The following C18orf32 variants were observed in gnomAD, a reference collection of about 807,000 sequenced individuals.
The protein encoded by C18orf32 is UPF0729 protein C18orf32.
A neutral mutation model predicts 7.4 loss-of-function variants in C18orf32; 5 were observed. That is an observed-to-expected ratio of 0.68 (90% CI 0.35 to 1.42). The LOEUF (loss-of-function observed/expected upper bound fraction) is 1.42, where lower values mean the gene tolerates loss of function less well. C18orf32 is among the 40% of genes most tolerant of loss of function. The pLI, the probability that C18orf32 is intolerant of heterozygous loss-of-function variation, is 0.04. For missense variants in C18orf32, 88 were observed against 92.4 expected (o/e 0.95, Z 0.19); for synonymous variants, 30 against 29.3 (o/e 1.02, Z -0.08).
intron 1 of C18orf32, chr18:49,485,982 G>A (rs1475956227): frequency 6.6e-6 from 1 of 151,560 alleles, no homozygotes; most frequent in African/African-American, 2.4e-5. Context: ...GGGGAGCTGA[G>A]GAAGGAGAGA....
In C18orf32 at chr18:49,479,979, G is replaced by C. The variant is rs921266577; in HGVS notation, c.*2366C>G. On this transcript the variant is annotated 3_prime_UTR_variant, in exon 3 of 3. Coordinates refer to ENST00000318240, the MANE Select transcript of C18orf32 (RefSeq NM_001035005.4). Reference sequence around the variant, plus strand: ...TGTGGGAGGAGCAGAGGCAGTGTAAGATAGCGGCATCTCAACCATTATGGG... The same window carrying C: ...TGTGGGAGGAGCAGAGGCAGTGTAACATAGCGGCATCTCAACCATTATGGG... 3.3e-5 allele frequency: 5 copies of C among 152,378 alleles called. No homozygotes were observed. The highest frequency in any genetic ancestry group is 3.3e-4 in the Admixed American group (5 of 15,292). The allele number at this position is 152,378 out of a possible 1,614,324, so 9.4% of individuals were successfully genotyped here.
chr18:49,486,549 G>A (rs1458168872), intron 1 of C18orf32: 2 of 151,588 alleles, frequency 1.3e-5, no homozygotes, highest in Admixed American at 6.6e-5. Context: ...TCACACATAT[G>A]GAAACTGGGT....
rs758092656 is a variant in C18orf32 at position 49,480,139 on chromosome 18, AAC to A, written c.*2204_*2205del. ...CCAGGAGTTTGAGACTCGCTTGGGC[AAC>A]AGAGCAAGACCCCGTCTCTACAAAA... On this transcript the variant is annotated 3_prime_UTR_variant, in exon 3 of 3. Transcript: ENST00000318240. The A allele has an allele frequency of 6.6e-6, 1 of 152,224 alleles. No individual in the cohort carries two copies. The highest frequency in any genetic ancestry group is 1.5e-5 in the Non-Finnish European group (1 of 68,172). The allele number at this position is 152,224 out of a possible 1,614,324, so 9.4% of individuals were successfully genotyped here. A position where few individuals can be genotyped will look rare whatever the true frequency, so the allele number is the denominator to read the frequency against.
At chr18:49,485,343 A>G (rs762511593) in intron 1 of C18orf32, among the ~76,000 whole-genome samples, 2 of 152,194 alleles carry the variant, frequency 1.3e-5, no homozygotes, top group Non-Finnish European at 2.9e-5. Context: ...CATCTTAGGT[A>G]AGGAGTTCGA....
rs2083664343 is a variant in C18orf32, at chr18:49,481,737, T to A, written c.*608A>T. ...GGATTAAAATTTTATAATTAGACAT[T>A]AATGTAACAGATGTTTCATTTTTCA... On this transcript the variant is annotated 3_prime_UTR_variant, in exon 3 of 3. Coordinates refer to ENST00000318240, the MANE Select transcript of C18orf32 (RefSeq NM_001035005.4). 1 of 152,258 alleles carries A rather than the reference T, an allele frequency of 6.6e-6. No individual in the cohort carries two copies. Among genetic ancestry groups the A allele is most frequent in the South Asian group, 2.1e-4 (1 of 4,836 alleles). The allele number at this position is 152,258 out of a possible 1,614,324, so 9.4% of individuals were successfully genotyped here. A position where few individuals can be genotyped will look rare whatever the true frequency, so the allele number is the denominator to read the frequency against.
In C18orf32 at chr18:49,480,540, G is replaced by A. The variant is rs2083651991; in HGVS notation, c.*1805C>T. On this transcript the variant is annotated 3_prime_UTR_variant, in exon 3 of 3. Transcript: ENST00000318240. ...CAGCACTTTGGGAAGCCAAAGTGGA[G>A]GATCGCTTGAGCCCAGGAGATCGAG... The A allele has an allele frequency of 6.6e-6, 1 of 152,020 alleles. No homozygotes were observed. The highest frequency in any genetic ancestry group is 6.6e-5 in the Admixed American group (1 of 15,252). 9.4% of individuals were successfully genotyped at this position (152,020 alleles called of 1,614,324 possible).
rs2083671900 is a variant in C18orf32 at position 49,482,386 on chromosome 18, T to C, written c.190A>G (p.Thr64Ala). The C allele has an allele frequency of 2.5e-6, 4 of 1,612,976 alleles. No individual in the cohort carries two copies. The highest frequency in any genetic ancestry group is 2.7e-5 in the African/African-American group (2 of 74,898). ...TCACAGATTTCTGTTGGTCCTTTTGTTGGTAATCCATTCATGTCTGCACCC... is the reference window on the plus strand; with the variant it reads ...TCACAGATTTCTGTTGGTCCTTTTGCTGGTAATCCATTCATGTCTGCACCC... The part of the protein sequence containing the change: ...FKGADMNGLP[T>A]KGPTEICDKK... Residue 64 changes from threonine (T) to alanine (A), a missense_variant, in exon 3 of 3, where the codon ACA (threonine) becomes GCA (alanine). Physicochemically the swap from Thr to Ala is moderately conservative, Grantham distance 58. Transcript: ENST00000318240.
chr18:49,485,911 A>G (rs1383189477), intron 1 of C18orf32: 1 of 150,708 alleles, frequency 6.6e-6, no homozygotes, highest in Non-Finnish European at 1.5e-5. Context: ...AACCTGGCCT[A>G]ATTTTTTTTT....
At chr18:49,485,978 C>G (rs2083738208) in intron 1 of C18orf32, 1 of 150,460 alleles carries the variant, frequency 6.6e-6, no homozygotes, top group Admixed American at 6.7e-5. Flanking sequence ...ATTTGGGGAG[C>G]TGAGGAAGGA....
At chr18:49,484,831 C>G (rs2083716804) in intron 1 of C18orf32, 1 of 152,136 alleles carries the variant, frequency 6.6e-6, no homozygotes, top group African/African-American at 2.4e-5. Flanking sequence ...ACCTGTAATC[C>G]CAGCACTTTG....
rs2083628368 is a variant in C18orf32 at position 49,477,439 on chromosome 18, T to C, written c.*4906A>G. 6.7e-6 allele frequency: 1 copy of C among 150,118 alleles called. No individual in the cohort carries two copies. 9.3% of individuals were successfully genotyped at this position (150,118 alleles called of 1,614,324 possible). On this transcript the variant is annotated 3_prime_UTR_variant, in exon 3 of 3. Coordinates refer to ENST00000318240, the MANE Select transcript of C18orf32 (RefSeq NM_001035005.4). ...GATTAATCTAAACTCACCCTCTCCA[T>C]TTCTGCCTAATTATTCCCAATAAGG... is the stretch of plus-strand genomic sequence containing the variant.
chr18:49,482,159 C>A lies in C18orf32; in HGVS notation c.*186G>T. On this transcript the variant is annotated 3_prime_UTR_variant, in exon 3 of 3. Coordinates refer to ENST00000318240, the MANE Select transcript of C18orf32 (RefSeq NM_001035005.4). ...CGAAAAAGGAACTTAGGAATGAGGT[C>A]ATTAAATATAACTAACTACATTTTA... is the stretch of plus-strand genomic sequence containing the variant. The A allele has an allele frequency of 1.8e-6, 1 of 563,554 alleles. No individual in the cohort carries two copies. Among genetic ancestry groups the A allele is most frequent in the Non-Finnish European group, 3.1e-6 (1 of 320,792 alleles). 34.9% of individuals were successfully genotyped at this position (563,554 alleles called of 1,614,324 possible). A position where few individuals can be genotyped will look rare whatever the true frequency, so the allele number is the denominator to read the frequency against.
rs1450220264 is a variant in C18orf32, at chr18:49,483,909, T to C, written c.-23-138A>G. 5 of 1,000,394 alleles carry C rather than the reference T, an allele frequency of 5.0e-6. 1 individual carries two copies. The highest frequency in any genetic ancestry group is 1.8e-5 in the South Asian group (1 of 56,582). 62.0% of individuals were successfully genotyped at this position (1,000,394 alleles called of 1,614,324 possible). On this transcript the variant is annotated intron_variant, in intron 1 of 2. Transcript: ENST00000318240. ...CCCAGCACTTTGGGAGGCAAGAGGATAGCTTGAGCCCAGGAGTTTGAAACC... is the reference window on the plus strand; with the variant it reads ...CCCAGCACTTTGGGAGGCAAGAGGACAGCTTGAGCCCAGGAGTTTGAAACC...
At position 49,477,618 on chromosome 18, in the gene C18orf32, A is replaced by C. The variant is rs1318668772; in HGVS notation, c.*4727T>G. ...AACGTGGTGAAACCCCGTCTCTACT[A>C]AAGTACAAAATTAGCCGGGTGTGGT... On this transcript the variant is annotated 3_prime_UTR_variant, in exon 3 of 3. Coordinates refer to ENST00000318240, the MANE Select transcript of C18orf32 (RefSeq NM_001035005.4). 1 of 149,732 alleles carries C rather than the reference A, an allele frequency of 6.7e-6. No homozygotes were observed. 9.3% of individuals were successfully genotyped at this position (149,732 alleles called of 1,614,324 possible).
At chr18:49,485,335 T>C (rs950643749) in intron 1 of C18orf32, among the ~76,000 whole-genome samples, 29 of 152,124 alleles carry the variant, frequency 1.9e-4, no homozygotes, top group Admixed American at 3.9e-4. Flanking sequence ...GGGTGGATCA[T>C]CTTAGGTAAG....
At position 49,482,357 on chromosome 18, in the gene C18orf32, T is replaced by C. The variant is rs2083671311; in HGVS notation, c.219A>G (p.Lys73=). ...TAGGAAAATTTCTTTAGTCTTTCTT[T>C]TTATCACAGATTTCTGTTGGTCCTT... ...PTKGPTEICD[K]KKD The change falls in exon 3 of 3, where the codon AAA becomes AAG. Residue 73 remains lysine, a synonymous_variant. Coordinates refer to ENST00000318240, the MANE Select transcript of C18orf32 (RefSeq NM_001035005.4). The C allele has an allele frequency of 7.4e-6, 12 of 1,612,390 alleles. No homozygotes were observed. Among genetic ancestry groups the C allele is most frequent in the Non-Finnish European group, 1.0e-5 (12 of 1,178,850 alleles).
chr18:49,479,244 G>C lies in C18orf32; in HGVS notation c.*3101C>G, dbSNP rs1456781629. 1 of 152,150 alleles carries C rather than the reference G, an allele frequency of 6.6e-6. No homozygotes were observed. Among genetic ancestry groups the C allele is most frequent in the Non-Finnish European group, 1.5e-5 (1 of 68,028 alleles). 9.4% of individuals were successfully genotyped at this position (152,150 alleles called of 1,614,324 possible). On this transcript the variant is annotated 3_prime_UTR_variant, in exon 3 of 3. Transcript: ENST00000318240. ...TGAATTAGAAAACTGCTGTGCTACA[G>C]AAAAAATGAGGGATAAACCAAGAAG...
At chr18:49,485,515 T>C (rs111328497) in intron 1 of C18orf32, among the ~76,000 whole-genome samples, 5,277 of 151,152 alleles carry the variant, frequency 0.035, 101 homozygotes, top group South Asian at 0.065. Flanking sequence ...GATTGCGCCA[T>C]TGCACTCCAG....
chr18:49,478,898 C>CCCAGAGATA lies in C18orf32; in HGVS notation c.*3446_*3447insTATCTCTGG, dbSNP rs2083638873. The CCCAGAGATA allele has an allele frequency of 6.6e-6, 1 of 151,908 alleles. No homozygotes were observed. The highest frequency in any genetic ancestry group is 2.4e-5 in the African/African-American group (1 of 41,200). 9.4% of individuals were successfully genotyped at this position (151,908 alleles called of 1,614,324 possible). ...ATTCAAACTGATGGCTATTTTTGTC[C>CCCAGAGATA]ACTATTCCCATGTTCTTTTTCACTC... On this transcript the variant is annotated 3_prime_UTR_variant, in exon 3 of 3. Coordinates refer to ENST00000318240, the MANE Select transcript of C18orf32 (RefSeq NM_001035005.4).
Sources: allele counts gnomAD v4.1 joint callset (sites outside exome capture counted in the v4.1 genomes callset), GRCh38; gene constraint gnomAD v4.1.1; transcripts MANE v1.5; gene names NCBI Gene and HGNC (gene_info 2026-07-23, HGNC 2026-07-21).